The following FXR2 variants were observed in gnomAD, a reference collection of about 807,000 sequenced individuals.
The protein encoded by FXR2 is FMR1 autosomal homolog 2.
In FXR2, 9 loss-of-function variants were observed where a neutral mutation model predicts 87.3. That is an observed-to-expected ratio of 0.10 (90% CI 0.06 to 0.18). The LOEUF (loss-of-function observed/expected upper bound fraction) is 0.18. Among genes scored for constraint, FXR2 ranks in the 10% least tolerant of loss-of-function variants. The pLI is 1.00. For synonymous variants in FXR2, 331 were observed against 328.3 expected, an observed-to-expected ratio of 1.01 and a Z score of -0.09; for missense variants, 661 against 893.6, an observed-to-expected ratio of 0.74 and a Z score of 3.32.
rs754935726 is a variant in FXR2 at position 7,593,448 on chromosome 17, A to G, written c.1285T>C (p.Tyr429His). Reference sequence around the variant, plus strand: ...CTCCGGCCACGGCCACGGCCCCCATAGCTGCCCCCATAGGTTCGAGTCGCA... The same window carrying G: ...CTCCGGCCACGGCCACGGCCCCCATGGCTGCCCCCATAGGTTCGAGTCGCA... ...LHATRTYGGS[Y>H]GGRGRGRRTG... Residue 429 changes from tyrosine to histidine, a missense_variant, in exon 12 of 17, where the codon TAT becomes CAT. Physicochemically the swap from Tyr to His is moderately conservative, Grantham distance 83. Coordinates refer to ENST00000250113, the MANE Select transcript of FXR2 (RefSeq NM_004860.4). This position sits in a 1 kb window ranked among gnomAD's most constrained non-coding sequence, Gnocchi z 6.1. 7 of 1,589,012 alleles carry G rather than the reference A, an allele frequency of 4.4e-6. No individual in the cohort carries two copies. The highest frequency in any genetic ancestry group is 6.0e-6 in the Non-Finnish European group (7 of 1,168,518).
intron 2 of FXR2, 127 bp downstream of exon 2, chr17:7,605,970 T>C: frequency 1.4e-6 from 1 of 699,682 alleles, no homozygotes; most frequent in African/African-American, 1.8e-5. Context: ...CTGGGATCCA[T>C]ATGAGTTCCC....
chr17:7,602,482 C>T (rs983905778), intron 6 of FXR2, among the ~76,000 whole-genome samples: 3 of 151,816 alleles, frequency 2.0e-5, no homozygotes, highest in Admixed American at 6.6e-5. Flanking sequence ...GCAGGAGAAT[C>T]GCTTCAATCT....
At chr17:7,609,826 G>A (rs1161738466) in intron 1 of FXR2, among the ~76,000 whole-genome samples, 2 of 150,896 alleles carry the variant, frequency 1.3e-5, no homozygotes, top group Non-Finnish European at 2.9e-5. Flanking sequence ...CCAGGAGTTC[G>A]AGACCAGTCT....
Position 7,591,517 on chromosome 17 carries a change from C to T in FXR2, c.*313G>A, listed in dbSNP as rs949485849. 1 of 339,224 alleles carries T rather than the reference C, an allele frequency of 2.9e-6. No individual in the cohort carries two copies. Among genetic ancestry groups the T allele is most frequent in the Admixed American group, 4.5e-5 (1 of 22,436 alleles). 21.0% of individuals were successfully genotyped at this position (339,224 alleles called of 1,614,324 possible). ...TCAAATCTGGGTGGGTCGAGGAGCA[C>T]CCCCCACCAACAGGTGGAGAATGGG... On this transcript the variant is annotated 3_prime_UTR_variant, in exon 17 of 17. Coordinates refer to ENST00000250113, the MANE Select transcript of FXR2 (RefSeq NM_004860.4). This position sits in a 1 kb window ranked among gnomAD's most constrained non-coding sequence, Gnocchi z 4.0.
At chr17:7,600,823 G>A (rs915957992) in intron 7 of FXR2, among the ~76,000 whole-genome samples, 3 of 151,936 alleles carry the variant, frequency 2.0e-5, no homozygotes, top group Non-Finnish European at 4.4e-5. Flanking sequence ...GGTGGATGTT[G>A]CAGTCAGCTG....
In FXR2 at chr17:7,592,573, T is replaced by G; in HGVS notation, c.1756A>C (p.Asn586His). 6.2e-7 allele frequency: 1 copy of G among 1,613,024 alleles called. No homozygotes were observed. Among genetic ancestry groups the G allele is most frequent in the Non-Finnish European group, 8.5e-7 (1 of 1,179,604 alleles). ...LEDESRPQRRNRSRRRRNRGN... is the reference protein window; with the variant it reads ...LEDESRPQRRHRSRRRRNRGN... ...CGGTTACGGCGGCGGCGGCTGCGAT[T>G]ACGACGTTGAGGTCTTGATTCATCT... The change falls in exon 15 of 17, where the codon AAT becomes CAT. Residue 586 changes from asparagine (N) to histidine (H), a missense_variant. By Grantham distance (68) the Asn-to-His change is moderately conservative. This residue lies in a region of FXR2 where 409 missense variants were observed against 432.0 expected (regional missense o/e 0.95). Coordinates refer to ENST00000250113, the MANE Select transcript of FXR2 (RefSeq NM_004860.4). The surrounding 1 kb of genome is among the most constrained non-coding windows in gnomAD (Gnocchi z 4.8).
At chr17:7,614,081 G>A in intron 1 of FXR2, 1 of 492,846 alleles carries the variant, frequency 2.0e-6, no homozygotes, top group Non-Finnish European at 4.0e-6. Flanking sequence ...CATGTGCTTG[G>A]ATCGTGGGGA....
chr17:7,599,319 A>G (rs1225236900), intron 7 of FXR2, among the ~76,000 whole-genome samples: 2 of 152,048 alleles, frequency 1.3e-5, no homozygotes, highest in Middle Eastern at 3.2e-3. Context: ...AAAAACAAAA[A>G]CAAAAAATAA....
intron 7 of FXR2, 139 bp downstream of exon 7, chr17:7,601,270 T>TA: frequency 1.7e-6 from 1 of 600,516 alleles, no homozygotes; most frequent in Non-Finnish European, 3.1e-6. Context: ...GAGTCTGAGA[T>TA]AAAATAGCTG....
chr17:7,606,483 A>G (rs932077721), intron 1 of FXR2, among the ~76,000 whole-genome samples: 2 of 152,140 alleles, frequency 1.3e-5, no homozygotes, highest in African/African-American at 4.8e-5. Context: ...AAATACCAAC[A>G]ACATTCAGCA....
At position 7,595,688 on chromosome 17, in the gene FXR2, T is replaced by C. The variant is rs1398709748; in HGVS notation, c.831+136A>G. 1.5e-6 allele frequency: 1 copy of C among 645,534 alleles called. No individual in the cohort carries two copies. The highest frequency in any genetic ancestry group is 2.8e-5 in the East Asian group (1 of 35,964). The allele number at this position is 645,534 out of a possible 1,614,324, so 40.0% of individuals were successfully genotyped here. A position where few individuals can be genotyped will look rare whatever the true frequency, so the allele number is the denominator to read the frequency against. On this transcript the variant is annotated intron_variant, in intron 8 of 16. Transcript: ENST00000250113. This position sits in a 1 kb window ranked among gnomAD's most constrained non-coding sequence, Gnocchi z 4.7. ...GTCTCAAACTCCTAGGCTCAAGTGA[T>C]CCTCTCACTTTGACCTCCGAAGGTG...
At chr17:7,614,054 G>A (rs995278639) in intron 1 of FXR2, 2 of 470,068 alleles carry the variant, frequency 4.3e-6, no homozygotes, top group African/African-American at 3.9e-5. Flanking sequence ...GGACCGTGTG[G>A]AAGAAAGACA....
chr17:7,593,029 C>G lies in FXR2; in HGVS notation c.1483G>C (p.Ala495Pro). 6.3e-7 allele frequency: 1 copy of G among 1,576,618 alleles called. No individual in the cohort carries two copies. The highest frequency in any genetic ancestry group is 1.4e-5 in the African/African-American group (1 of 73,128). The change falls in exon 13 of 17, where the codon GCC (alanine) becomes CCC (proline). Residue 495 changes from alanine (A) to proline (P), a missense_variant. Physicochemically the swap from Ala to Pro is conservative, Grantham distance 27 (BLOSUM62 -1). This residue lies in a region of FXR2 where 409 missense variants were observed against 432.0 expected (regional missense o/e 0.95). Coordinates refer to ENST00000250113, the MANE Select transcript of FXR2 (RefSeq NM_004860.4). The surrounding 1 kb of genome is among the most constrained non-coding windows in gnomAD (Gnocchi z 6.1). ...TGGRGRGPPP[A>P]PRPTSRYNSS... is the part of the protein sequence containing the mutation. ...TTGTATCTCGAAGTGGGCCGGGGGG[C>G]AGGTGGGGGTCCCCTACCCCGGCCC...
At chr17:7,613,962 G>T (rs1326322466) in intron 1 of FXR2, 15 of 444,308 alleles carry the variant, frequency 3.4e-5, no homozygotes, top group South Asian at 1.6e-5. Flanking sequence ...TGAAAGTGGG[G>T]TGAGTGTTCC....
In FXR2 at chr17:7,614,045, G is replaced by A. The variant is rs536658596; in HGVS notation, c.81+407C>T. 572 of 465,806 alleles carry A rather than the reference G, an allele frequency of 1.2e-3. 2 individuals are homozygous for A. Among genetic ancestry groups the A allele is most frequent in the Non-Finnish European group, 2.2e-3 (521 of 234,856 alleles). The allele number at this position is 465,806 out of a possible 1,614,324, so 28.9% of individuals were successfully genotyped here. On this transcript the variant is annotated intron_variant, in intron 1 of 16. Transcript: ENST00000250113. ...ACGGGACAGAGGGCCTTCCCAAAGG[G>A]ACCGTGTGGAAGAAAGACAATTCTC...
At chr17:7,613,994 C>G (rs2071904775) in intron 1 of FXR2, 1 of 455,442 alleles carries the variant, frequency 2.2e-6, no homozygotes, top group Non-Finnish European at 4.4e-6. Context: ...GCAGAGGCCT[C>G]TCTGAGGAAG....
chr17:7,600,325 A>C (rs1567750340), intron 7 of FXR2, among the ~76,000 whole-genome samples: 1 of 152,130 alleles, frequency 6.6e-6, no homozygotes, highest in African/African-American at 2.4e-5. Flanking sequence ...CAGTCTCTCG[A>C]GTAGCTGAAA....
chr17:7,604,291 AC>A (rs1177315643), intron 3 of FXR2, among the ~76,000 whole-genome samples: 1 of 152,024 alleles, frequency 6.6e-6, no homozygotes, highest in Non-Finnish European at 1.5e-5. Context: ...GCTGCTGGGC[AC>A]AGTGGCTCAA....
intron 1 of FXR2, among the ~76,000 whole-genome samples, chr17:7,607,129 C>A (rs1370220667): frequency 6.6e-6 from 1 of 151,930 alleles, no homozygotes; most frequent in African/African-American, 2.4e-5. Context: ...GACCAGCCTG[C>A]CAACATGGTG....
Sources: allele counts gnomAD v4.1 joint callset (sites outside exome capture counted in the v4.1 genomes callset), GRCh38; gene constraint gnomAD v4.1.1; regional missense constraint gnomAD v4.1.1; non-coding constraint Gnocchi (gnomAD v3.1); transcripts MANE v1.5; gene names NCBI Gene and HGNC (gene_info 2026-07-23, HGNC 2026-07-21).